The following SLIT3 variants were observed in gnomAD, a reference collection of about 807,000 sequenced individuals.
SLIT3 encodes slit homolog 3 protein.
In SLIT3, 68 loss-of-function variants were observed where a neutral mutation model predicts 184.0. The observed-to-expected ratio is 0.37, with a 90% CI of 0.30 to 0.45. The LOEUF (loss-of-function observed/expected upper bound fraction) is 0.45. SLIT3 is among the 20% of genes least tolerant of loss of function. SLIT3 has a pLI of 1.00. For missense variants in SLIT3, 1,707 were observed against 2,026.0 expected, an observed-to-expected ratio of 0.84 and a Z score of 3.02; for synonymous variants, 831 against 828.6, an observed-to-expected ratio of 1.00 and a Z score of -0.05.
intron 4 of SLIT3, 130 bp from the exon 5 acceptor site, chr5:168,883,466 G>T: frequency 1.5e-6 from 1 of 665,130 alleles, no homozygotes. Context: ...CGGCTGTTTG[G>T]TCTCGGGCCC....
At chr5:168,985,770 G>A (rs1755102557) in intron 4 of SLIT3, among the ~76,000 whole-genome samples, 1 of 152,148 alleles carries the variant, frequency 6.6e-6, no homozygotes, top group African/African-American at 2.4e-5. Flanking sequence ...TTGCTACAGT[G>A]AGGAGAGGGC....
rs397999882 is a variant in SLIT3 at position 169,002,322 on chromosome 5, CAAAAAAAAAAAAAAAAAAA to C, written c.414-119005_414-118987del. On this transcript the variant is annotated intron_variant, in intron 4 of 35. Transcript: ENST00000519560. ...TGAGCAACAGAACGAGACTCTGTCT[CAAAAAAAAAAAAAAAAAAA>C]AAAAAAAAAAAAAAGAAAAAAAGAA... Among the ~76,000 whole-genome samples the C allele has an allele frequency of 4.1e-4, 10 of 24,200 alleles. No homozygotes were observed. The East Asian group carries it at 0.011, about 27-fold the overall frequency. The allele number at this position is 24,200 out of a possible 152,430, so 15.9% of individuals were successfully genotyped here. A position where few individuals can be genotyped will look rare whatever the true frequency, so the allele number is the denominator to read the frequency against.
At chr5:169,212,607 T>A (rs1409954356) in intron 3 of SLIT3, among the ~76,000 whole-genome samples, 1 of 152,214 alleles carries the variant, frequency 6.6e-6, no homozygotes, top group Non-Finnish European at 1.5e-5. Flanking sequence ...GTGCAGAAGC[T>A]CTTTAGTTTA....
At chr5:169,186,450 G>A (rs297888) in intron 4 of SLIT3, among the ~76,000 whole-genome samples, 3,781 of 152,270 alleles carry the variant, frequency 0.025, 147 homozygotes, top group African/African-American at 0.075. Flanking sequence ...TAAGCCACTC[G>A]GTGTGTGGTA....
At chr5:168,897,646 G>GCGCGCGCGCGCGCGCGCGCACACA in intron 4 of SLIT3, among the ~76,000 whole-genome samples, 1 of 105,380 alleles carries the variant, frequency 9.5e-6, no homozygotes. Context: ...ACAGGTGCAC[G>GCGCGCGCGCGCGCGCGCGCACACA]TACACACACA....
chr5:169,201,010 C>T (rs2113487316), intron 3 of SLIT3, among the ~76,000 whole-genome samples: 1 of 152,242 alleles, frequency 6.6e-6, no homozygotes, highest in African/African-American at 2.4e-5. Context: ...TTGAGGCTTC[C>T]CTTTTTTGGA....
chr5:169,172,442 G>A (rs1017352055), intron 4 of SLIT3, among the ~76,000 whole-genome samples: 3 of 152,158 alleles, frequency 2.0e-5, no homozygotes, highest in African/African-American at 4.8e-5. Flanking sequence ...AACTAGCTGC[G>A]TATATACTTT....
intron 4 of SLIT3, among the ~76,000 whole-genome samples, chr5:168,917,390 C>T (rs991034791): frequency 6.6e-6 from 1 of 152,270 alleles, no homozygotes; most frequent in Non-Finnish European, 1.5e-5. Context: ...TTCTTGCCTA[C>T]CTCTGAATCT....
chr5:169,205,896 G>A (rs930841441), intron 3 of SLIT3, among the ~76,000 whole-genome samples: 1 of 152,170 alleles, frequency 6.6e-6, no homozygotes, highest in Non-Finnish European at 1.5e-5. Flanking sequence ...TGAGAGCTTG[G>A]AGCAAGAGGC....
chr5:169,189,368 C>G (rs1257417009), intron 4 of SLIT3, among the ~76,000 whole-genome samples: 1 of 151,580 alleles, frequency 6.6e-6, no homozygotes, highest in Non-Finnish European at 1.5e-5. Context: ...TGTACTGAGT[C>G]CCAGTTCCAT....
At chr5:168,970,038 G>A (rs1211553442) in intron 4 of SLIT3, among the ~76,000 whole-genome samples, 9 of 152,162 alleles carry the variant, frequency 5.9e-5, no homozygotes, top group African/African-American at 1.9e-4. Context: ...AAAATTAGCC[G>A]GGTGTGGTGG....
intron 16 of SLIT3, among the ~76,000 whole-genome samples, chr5:168,759,610 G>A (rs1561916214): frequency 6.6e-6 from 1 of 152,208 alleles, no homozygotes; most frequent in Non-Finnish European, 1.5e-5. Context: ...AGCATGAGAG[G>A]TGACAGAAGA....
intron 28 of SLIT3, among the ~76,000 whole-genome samples, chr5:168,695,489 A>G (rs1291444183): frequency 1.7e-4 from 26 of 152,180 alleles, no homozygotes; most frequent in Admixed American, 1.6e-3. Flanking sequence ...TGCTTCCCAA[A>G]CTTCTTGTCT....
chr5:169,144,716 T>C (rs1761871143), intron 4 of SLIT3, among the ~76,000 whole-genome samples: 2 of 152,218 alleles, frequency 1.3e-5, no homozygotes, highest in Admixed American at 6.5e-5. Flanking sequence ...GCCTTCGGGC[T>C]GACTTCTATG....
chr5:168,898,205 C>T (rs929039641), intron 4 of SLIT3, among the ~76,000 whole-genome samples: 1 of 152,128 alleles, frequency 6.6e-6, no homozygotes, highest in Admixed American at 6.5e-5. Context: ...TAACTTGGTG[C>T]TTTATTAATA....
At chr5:168,946,791 C>T (rs1342475468) in intron 4 of SLIT3, among the ~76,000 whole-genome samples, 1 of 152,202 alleles carries the variant, frequency 6.6e-6, no homozygotes, top group Non-Finnish European at 1.5e-5. Flanking sequence ...TGCTCAGTTA[C>T]TCCAGGGTTT....
intron 21 of SLIT3, among the ~76,000 whole-genome samples, chr5:168,723,858 A>G (rs528350847): frequency 8.6e-5 from 12 of 139,778 alleles, no homozygotes; most frequent in African/African-American, 1.3e-4. Flanking sequence ...CAGTAGCTTG[A>G]AAAAAATCTG....
chr5:168,887,215 G>T (rs548568349), intron 4 of SLIT3, among the ~76,000 whole-genome samples: 1 of 152,088 alleles, frequency 6.6e-6, no homozygotes. Context: ...AAGACTAGGA[G>T]GAGGAACATG....
chr5:169,072,456 T>A (rs1016511193), intron 4 of SLIT3, among the ~76,000 whole-genome samples: 14 of 152,210 alleles, frequency 9.2e-5, no homozygotes, highest in Admixed American at 6.5e-5. Context: ...CAAAGGCAAC[T>A]CTCACATTAT....
Sources: allele counts gnomAD v4.1 joint callset (sites outside exome capture counted in the v4.1 genomes callset), GRCh38; gene constraint gnomAD v4.1.1; transcripts MANE v1.5; gene names NCBI Gene and HGNC (gene_info 2026-07-23, HGNC 2026-07-21).